AOPEP: variants seen among roughly 807,000 people sequenced by gnomAD.
The protein encoded by AOPEP is aminopeptidase O.
A neutral mutation model predicts 98.1 loss-of-function variants in AOPEP; 77 were observed. The observed-to-expected ratio is 0.78, with a 90% CI of 0.65 to 0.95. The LOEUF (loss-of-function observed/expected upper bound fraction) is 0.95. Among genes scored for constraint, AOPEP ranks in the 40% least tolerant of loss-of-function variants. AOPEP has a pLI of 0.00. For missense variants in AOPEP, 1,024 were observed against 1,024.7 expected, an observed-to-expected ratio of 1.00 and a Z score of 0.01; for synonymous variants, 346 against 365.3, an observed-to-expected ratio of 0.95 and a Z score of 0.60.
chr9:95,039,147 A>G (rs530517088), intron 13 of AOPEP, among the ~76,000 whole-genome samples: 1 of 152,314 alleles, frequency 6.6e-6, no homozygotes, highest in East Asian at 1.9e-4. Flanking sequence ...TGGTGGAGTT[A>G]ACATGGGATC....
Position 95,086,699 on chromosome 9 carries a change from T to C in AOPEP, c.*22T>C, listed in dbSNP as rs552042360. On this transcript the variant is annotated 3_prime_UTR_variant, in exon 17 of 17. Coordinates refer to ENST00000375315, the MANE Select transcript of AOPEP (RefSeq NM_001193329.3). ...CTTTGCAGGAAAGACCACAGCAAGATTCTTTCATTCGTCTCCTCCTAGCCT... is the reference window on the plus strand; with the variant it reads ...CTTTGCAGGAAAGACCACAGCAAGACTCTTTCATTCGTCTCCTCCTAGCCT... 212 of 988,260 alleles carry C rather than the reference T, an allele frequency of 2.1e-4. No individual in the cohort carries two copies. The African/African-American group carries it at 3.5e-3, about 16-fold the overall frequency. The allele number at this position is 988,260 out of a possible 1,614,324, so 61.2% of individuals were successfully genotyped here.
At chr9:95,044,070 C>T (rs1486616110) in intron 13 of AOPEP, among the ~76,000 whole-genome samples, 2 of 152,154 alleles carry the variant, frequency 1.3e-5, no homozygotes, top group Non-Finnish European at 2.9e-5. Context: ...GTGCGAAGTT[C>T]TCTGGGAGAA....
At chr9:94,982,565 C>CT (rs532615813) in intron 11 of AOPEP, among the ~76,000 whole-genome samples, 1,686 of 134,554 alleles carry the variant, frequency 0.013, 19 homozygotes, top group Non-Finnish European at 0.018. Flanking sequence ...AAGAGCAATA[C>CT]TTTTTTTTTT....
chr9:95,070,656 C>T (rs2068402189), intron 14 of AOPEP, among the ~76,000 whole-genome samples: 1 of 152,270 alleles, frequency 6.6e-6, no homozygotes, highest in Non-Finnish European at 1.5e-5. Flanking sequence ...CCCAGAGGCC[C>T]ATGCATGCCC....
intron 9 of AOPEP, among the ~76,000 whole-genome samples, chr9:94,962,887 G>A (rs1321698548): frequency 6.6e-6 from 1 of 151,988 alleles, no homozygotes; most frequent in Admixed American, 6.6e-5. Context: ...GGGACTACAG[G>A]CACCCGCCAC....
intron 11 of AOPEP, chr9:95,004,248 G>A (rs1214036286): frequency 4.4e-6 from 2 of 456,576 alleles, no homozygotes; most frequent in African/African-American, 4.0e-5. Flanking sequence ...GCCTTTGGCG[G>A]GTGGAGGAAA....
At chr9:94,742,642 C>T (rs1208462335) in intron 1 of AOPEP, among the ~76,000 whole-genome samples, 1 of 152,070 alleles carries the variant, frequency 6.6e-6, no homozygotes, top group African/African-American at 2.4e-5. Context: ...ACCATGTTGG[C>T]CAGGATGGTC....
chr9:94,891,247 G>A (rs1393332620), intron 5 of AOPEP, among the ~76,000 whole-genome samples: 1 of 152,132 alleles, frequency 6.6e-6, no homozygotes, highest in African/African-American at 2.4e-5. Context: ...AGCCACTCCT[G>A]CTTTTTTGGA....
At chr9:94,834,601 T>C (rs1467347862) in intron 5 of AOPEP, among the ~76,000 whole-genome samples, 1 of 152,116 alleles carries the variant, frequency 6.6e-6, no homozygotes, top group Non-Finnish European at 1.5e-5. Flanking sequence ...CAGATCATTG[T>C]GGGTAACATG....
chr9:95,071,768 G>A (rs1228040805), intron 14 of AOPEP, among the ~76,000 whole-genome samples: 1 of 152,210 alleles, frequency 6.6e-6, no homozygotes, highest in Non-Finnish European at 1.5e-5. Context: ...TTTTCAGGCA[G>A]AGTAATTTTT....
chr9:95,097,045 A>G, the AOPEP span, among the ~76,000 whole-genome samples: 1 of 152,170 alleles, frequency 6.6e-6, no homozygotes, highest in Non-Finnish European at 1.5e-5. Context: ...GGAGGCCAGG[A>G]TGCTGCCAAC....
chr9:94,914,946 G>C (rs1330559071), intron 5 of AOPEP, among the ~76,000 whole-genome samples: 1 of 152,258 alleles, frequency 6.6e-6, no homozygotes, highest in South Asian at 2.1e-4. Flanking sequence ...AAAATTATTC[G>C]TTGTTTATCT....
In AOPEP at chr9:94,980,548, C is replaced by T. The variant is rs141445325; in HGVS notation, c.1977+1121C>T. Among the ~76,000 whole-genome samples, 11 of 152,326 alleles carry T rather than the reference C, an allele frequency of 7.2e-5. No homozygotes were observed. The East Asian group carries it at 2.1e-3, about 29-fold the overall frequency. ...TCCTCACATCTTTGTCCATTTTCAC[C>T]ACAGGGGAAATGTCAGCCATCAGCA... On this transcript the variant is annotated intron_variant, in intron 11 of 16. Coordinates refer to ENST00000375315, the MANE Select transcript of AOPEP (RefSeq NM_001193329.3). This position sits in a 1 kb window ranked among gnomAD's most constrained non-coding sequence, Gnocchi z 4.3.
At chr9:95,061,165 T>G (rs2067285719) in intron 14 of AOPEP, among the ~76,000 whole-genome samples, 1 of 152,186 alleles carries the variant, frequency 6.6e-6, no homozygotes, top group African/African-American at 2.4e-5. Context: ...TGTCAGAGCT[T>G]CTTGGTTGCA....
At chr9:94,745,269 A>G (rs1450638408) in intron 1 of AOPEP, among the ~76,000 whole-genome samples, 2 of 150,276 alleles carry the variant, frequency 1.3e-5, no homozygotes, top group East Asian at 1.9e-4. Context: ...CATGAGTTCA[A>G]TTGTTTTAAT....
downstream of AOPEP, among the ~76,000 whole-genome samples, chr9:95,090,361 G>A (rs2070849759): frequency 1.3e-5 from 2 of 152,246 alleles, no homozygotes; most frequent in South Asian, 2.1e-4. Context: ...CAGCCCGCAG[G>A]AGCCGGGCAG....
chr9:95,141,050 C>T, the AOPEP span, among the ~76,000 whole-genome samples: 1 of 152,008 alleles, frequency 6.6e-6, no homozygotes. Context: ...TGTCTCAGGC[C>T]TGTAGTCTCA....
downstream of AOPEP, among the ~76,000 whole-genome samples, chr9:95,091,954 C>T (rs977418948): frequency 7.2e-5 from 11 of 152,204 alleles, no homozygotes; most frequent in Admixed American, 2.6e-4. Flanking sequence ...GTTGATGCCC[C>T]GTGGTTCTCA....
chr9:95,086,129 CG>C, intron 16 of AOPEP: 1 of 1,361,294 alleles, frequency 7.3e-7, no homozygotes, highest in Non-Finnish European at 9.8e-7. Flanking sequence ...TGTAAGTGCC[CG>C]AGGCTCAGGA....
Sources: allele counts gnomAD v4.1 joint callset (sites outside exome capture counted in the v4.1 genomes callset), GRCh38; gene constraint gnomAD v4.1.1; non-coding constraint Gnocchi (gnomAD v3.1); transcripts MANE v1.5; gene names NCBI Gene and HGNC (gene_info 2026-07-23, HGNC 2026-07-21).